The following SYCP2L variants were observed in gnomAD, a reference collection of about 807,000 sequenced individuals.
The protein encoded by SYCP2L is synaptonemal complex protein 2 like.
Under a neutral mutation model 125.8 loss-of-function variants are expected in SYCP2L, and 98 were observed. That is an observed-to-expected ratio of 0.78 (90% CI 0.66 to 0.92). The LOEUF is 0.92. Among genes scored for constraint, SYCP2L ranks in the 40% least tolerant of loss-of-function variants. The probability of loss-of-function intolerance (pLI) is 0.00; values close to 1 mark genes in which losing one functional copy is unlikely to be tolerated. For synonymous variants in SYCP2L, 317 were observed against 325.4 expected (o/e 0.97, Z 0.28); for missense variants, 842 against 936.4 (o/e 0.90, Z 1.32).
chr6:10,924,398 T>C, intron 14 of SYCP2L, 98 bp from the exon 15 acceptor site: 1 of 1,009,632 alleles, frequency 9.9e-7, no homozygotes, highest in Middle Eastern at 3.3e-4. Context: ...CAGAAAAATC[T>C]GGACAAATAC....
Position 10,955,101 on chromosome 6 carries a change from T to C in SYCP2L, c.1955-15T>C, listed in dbSNP as rs2113404177. 1.3e-6 allele frequency: 2 copies of C among 1,569,798 alleles called. No homozygotes were observed. Among genetic ancestry groups the C allele is most frequent in the East Asian group, 2.2e-5 (1 of 44,614 alleles). Reference sequence around the variant, plus strand: ...AATTTCGGGTCAAAAGGAAATGTGCTCTGTTTGCCTGTAGACATACCAGAA... The same window carrying C: ...AATTTCGGGTCAAAAGGAAATGTGCCCTGTTTGCCTGTAGACATACCAGAA... On this transcript the variant is annotated splice_polypyrimidine_tract_variant and intron_variant, in intron 23 of 29. Coordinates refer to ENST00000283141, the MANE Select transcript of SYCP2L (RefSeq NM_001040274.3).
At chr6:10,923,412 G>A (rs1406523860) in intron 14 of SYCP2L, among the ~76,000 whole-genome samples, 1 of 134,776 alleles carries the variant, frequency 7.4e-6, no homozygotes, top group Non-Finnish European at 1.6e-5. Flanking sequence ...TTGAGATGGA[G>A]GCTTGCTCTG....
intron 5 of SYCP2L, among the ~76,000 whole-genome samples, 197 bp from the exon 6 acceptor site, chr6:10,898,627 T>C (rs552173805): frequency 3.3e-5 from 5 of 152,326 alleles, no homozygotes; most frequent in African/African-American, 1.2e-4. Context: ...CATACAAATA[T>C]ATTAGTCACC....
chr6:10,896,855 G>C (rs1780267167), intron 4 of SYCP2L, among the ~76,000 whole-genome samples: 1 of 152,268 alleles, frequency 6.6e-6, no homozygotes, highest in African/African-American at 2.4e-5. Context: ...TAACTCCCCA[G>C]GTTTTCCTAA....
In SYCP2L at chr6:10,926,430, C is replaced by A; in HGVS notation, c.1310C>A (p.Thr437Lys). The A allele has an allele frequency of 6.2e-7, 1 of 1,609,206 alleles. No individual in the cohort carries two copies. The highest frequency in any genetic ancestry group is 8.5e-7 in the Non-Finnish European group (1 of 1,176,268). The change falls in exon 16 of 30, where the codon ACA becomes AAA. Residue 437 changes from threonine to lysine, a missense_variant and splice_region_variant. Physicochemically the swap from Thr to Lys is moderately conservative, Grantham distance 78. Coordinates refer to ENST00000283141, the MANE Select transcript of SYCP2L (RefSeq NM_001040274.3). ...AGTCCCAGTGGCCTTGAAAGAGAAA[C>A]AGGTATATTGGGAAATAACAAAATT... ...RESPSGLERE[T>K]EQAEESTNMV...
chr6:10,930,074 T>G lies in SYCP2L; in HGVS notation c.1489-296T>G, dbSNP rs189093663. ...TCTGACTTAGTATTTTCAAGTAGTA[T>G]TAGGCACAATATTGAGATTGGTCTG... On this transcript the variant is annotated intron_variant, in intron 18 of 29. Transcript: ENST00000283141. 88 of 204,772 alleles carry G rather than the reference T, an allele frequency of 4.3e-4. No homozygotes were observed. The East Asian group carries it at 8.7e-3, about 20-fold the overall frequency. 12.7% of individuals were successfully genotyped at this position (204,772 alleles called of 1,614,324 possible).
At chr6:10,937,150 G>A (rs1781112727) in intron 21 of SYCP2L, among the ~76,000 whole-genome samples, 1 of 152,186 alleles carries the variant, frequency 6.6e-6, no homozygotes, top group Non-Finnish European at 1.5e-5. Flanking sequence ...CTTCTCCAGT[G>A]TACAGTGCGC....
chr6:10,891,647 G>GTA, intron 2 of SYCP2L, 66 bp downstream of exon 2: 19 of 859,882 alleles, frequency 2.2e-5, no homozygotes, highest in South Asian at 1.2e-4. Context: ...GTGTGTGTGT[G>GTA]TGTGTGTGTG....
At chr6:10,898,397 C>T (rs1780297666) in intron 5 of SYCP2L, among the ~76,000 whole-genome samples, 1 of 151,916 alleles carries the variant, frequency 6.6e-6, no homozygotes, top group Non-Finnish European at 1.5e-5. Flanking sequence ...CCTGTAATTT[C>T]AGCTACTTGG....
chr6:10,968,217 T>C (rs959776918), intron 29 of SYCP2L, among the ~76,000 whole-genome samples: 1 of 151,954 alleles, frequency 6.6e-6, no homozygotes, highest in African/African-American at 2.4e-5. Flanking sequence ...TGATAACAGG[T>C]TGGGGTGCAC....
At chr6:10,921,957 C>T (rs1044663329) in intron 14 of SYCP2L, among the ~76,000 whole-genome samples, 2 of 152,152 alleles carry the variant, frequency 1.3e-5, no homozygotes, top group Admixed American at 6.5e-5. Flanking sequence ...CTGCCCGCCT[C>T]GGCCTCCCAA....
At chr6:10,973,284 G>GC (rs1382722444) in intron 29 of SYCP2L, among the ~76,000 whole-genome samples, 2 of 152,164 alleles carry the variant, frequency 1.3e-5, no homozygotes, top group Non-Finnish European at 2.9e-5. Context: ...TGTAATCCCA[G>GC]CACTTTAGGA....
intron 4 of SYCP2L, among the ~76,000 whole-genome samples, chr6:10,897,559 G>A (rs1780278636): frequency 6.6e-6 from 1 of 151,970 alleles, no homozygotes; most frequent in South Asian, 2.1e-4. Context: ...CTAGAGGTGT[G>A]CACCACCACA....
At chr6:10,920,557 G>T (rs1173658210) in intron 14 of SYCP2L, among the ~76,000 whole-genome samples, 4 of 152,182 alleles carry the variant, frequency 2.6e-5, no homozygotes, top group Admixed American at 2.0e-4. Context: ...AGATGAGCTT[G>T]CAGCACAGAG....
At chr6:10,933,034 G>A (rs1467301396) in intron 20 of SYCP2L, among the ~76,000 whole-genome samples, 4 of 152,220 alleles carry the variant, frequency 2.6e-5, no homozygotes, top group African/African-American at 4.8e-5. Flanking sequence ...GATTACAGGC[G>A]TGAGCCACCG....
chr6:10,934,826 A>G (rs1314858705), intron 20 of SYCP2L, among the ~76,000 whole-genome samples: 2 of 152,190 alleles, frequency 1.3e-5, no homozygotes, highest in African/African-American at 4.8e-5. Flanking sequence ...TCATTTCTGT[A>G]TCTCGAGAAA....
chr6:10,964,666 G>A (rs769400268), intron 29 of SYCP2L, among the ~76,000 whole-genome samples: 20 of 152,106 alleles, frequency 1.3e-4, no homozygotes, highest in Non-Finnish European at 2.4e-4. Context: ...ATACACAAAC[G>A]TGTTTAATGG....
chr6:10,967,296 G>A (rs1781698738), intron 29 of SYCP2L, among the ~76,000 whole-genome samples: 1 of 152,068 alleles, frequency 6.6e-6, no homozygotes, highest in African/African-American at 2.4e-5. Context: ...AAGCTTCCCG[G>A]TTTATTTTAG....
chr6:10,922,081 TG>T (rs759348249), intron 14 of SYCP2L, among the ~76,000 whole-genome samples: 4 of 151,958 alleles, frequency 2.6e-5, no homozygotes, highest in Non-Finnish European at 5.9e-5. Flanking sequence ...AAGTAAGAGG[TG>T]GGGGAAAAGG....
Sources: gnomAD v4.1 joint callset for allele counts (sites outside exome capture counted in the v4.1 genomes callset) on GRCh38, gnomAD v4.1.1 for gene constraint, MANE v1.5 for transcripts, NCBI Gene and HGNC (gene_info 2026-07-23, HGNC 2026-07-21) for gene names.